Variants in FAAH2 observed in about 807,000 individuals in gnomAD.
FAAH2 encodes fatty-acid amide hydrolase 2.
FAAH2 carries 60 observed loss-of-function variants against 36.9 expected under a neutral mutation model. The ratio of observed to expected loss-of-function variants is 1.63; its 90% CI spans 1.32 to 2.02. FAAH2 has a LOEUF of 2.02. Ranked by LOEUF, FAAH2 falls within the 30% of genes most tolerant of loss-of-function variation. FAAH2 has a pLI of 0.00. For synonymous variants in FAAH2, 214 were observed against 143.8 expected, an observed-to-expected ratio of 1.49 and a Z score of -3.49; for missense variants, 689 against 397.5, an observed-to-expected ratio of 1.73 and a Z score of -6.23.
the FAAH2 span, among the ~76,000 whole-genome samples, chrX:57,159,914 C>G: frequency 9.0e-6 from 1 of 111,567 alleles, no homozygotes; most frequent in South Asian, 3.7e-4. Flanking sequence ...CTGTCTTGTT[C>G]CAGTTTTCAA....
At chrX:57,135,854 A>G in the FAAH2 span, 1 of 1,208,379 alleles carries the variant, frequency 8.3e-7, no homozygotes, top group Admixed American at 2.2e-5. Context: ...AGACATAGAT[A>G]TGGAAATCAT....
At chrX:57,381,349 T>C (rs1018864493) in intron 7 of FAAH2, among the ~76,000 whole-genome samples, 1 of 110,838 alleles carries the variant, frequency 9.0e-6, no homozygotes, top group East Asian at 2.8e-4. Context: ...AAATTTTAGG[T>C]AATAGAGACA....
the FAAH2 span, among the ~76,000 whole-genome samples, chrX:57,266,882 T>C: frequency 8.9e-6 from 1 of 112,403 alleles, no homozygotes. Flanking sequence ...GTCATTCCTC[T>C]AGGCTCAACT....
Position 57,488,837 on chromosome X carries a change from G to T in FAAH2, c.1504G>T (p.Val502Phe). Residue 502 changes from valine (V) to phenylalanine (F), a missense_variant, in exon 11 of 11, where the codon GTT becomes TTT. By Grantham distance (50) the Val-to-Phe change is conservative (BLOSUM62 -1). Transcript: ENST00000374900. ...NAKGLPLGIQ[V>F]VAGPFNDHLT... ...CAAAGGACTCCCTTTAGGCATCCAG[G>T]TTGTGGCTGGACCCTTTAATGATCA... The T allele has an allele frequency of 3.3e-6, 4 of 1,211,186 alleles. No individual in the cohort carries two copies. The highest frequency in any genetic ancestry group is 3.5e-5 in the African/African-American group (2 of 57,725).
chrX:57,466,410 A>G (rs2057051705), intron 10 of FAAH2, among the ~76,000 whole-genome samples: 1 of 106,264 alleles, frequency 9.4e-6, no homozygotes, highest in Non-Finnish European at 1.9e-5. Context: ...ATGTGTATAT[A>G]TATCTTAATT....
At chrX:57,470,618 C>G (rs761307902) in intron 10 of FAAH2, among the ~76,000 whole-genome samples, 1 of 109,629 alleles carries the variant, frequency 9.1e-6, no homozygotes, top group African/African-American at 3.3e-5. Context: ...GCCTACCAAC[C>G]AAAAGAAGTC....
chrX:57,458,562 A>C (rs1341731743), intron 10 of FAAH2, among the ~76,000 whole-genome samples: 1 of 112,179 alleles, frequency 8.9e-6, no homozygotes. Flanking sequence ...TAGGAATAGC[A>C]GCTTCAGTCT....
At chrX:57,477,761 T>C (rs1297986893) in intron 10 of FAAH2, among the ~76,000 whole-genome samples, 1 of 109,781 alleles carries the variant, frequency 9.1e-6, no homozygotes, top group Admixed American at 9.8e-5. Context: ...GTCCTTCCAA[T>C]AGTTTGTTGA....
intron 10 of FAAH2, among the ~76,000 whole-genome samples, chrX:57,469,727 C>T (rs774932505): frequency 9.0e-6 from 1 of 111,604 alleles, no homozygotes; most frequent in South Asian, 3.8e-4. Flanking sequence ...AGTAATTGAA[C>T]TCAGCTCTGC....
At chrX:57,172,993 A>G in the FAAH2 span, among the ~76,000 whole-genome samples, 1 of 111,957 alleles carries the variant, frequency 8.9e-6, no homozygotes, top group Non-Finnish European at 1.9e-5. Flanking sequence ...GCAGGAAAAC[A>G]AAAATGCCTG....
At chrX:57,322,159 C>T (rs963613017) in intron 3 of FAAH2, among the ~76,000 whole-genome samples, 8 of 111,330 alleles carry the variant, frequency 7.2e-5, no homozygotes, top group Non-Finnish European at 1.1e-4. Flanking sequence ...TCCGCCACCG[C>T]GCCTGGCTAA....
chrX:57,363,231 C>T (rs1039141772), intron 5 of FAAH2, among the ~76,000 whole-genome samples: 2 of 111,508 alleles, frequency 1.8e-5, no homozygotes, highest in African/African-American at 6.5e-5. Flanking sequence ...CTTTTTTTGT[C>T]ATCTCTGATT....
rs1280767375 is a variant in FAAH2 at position 57,364,269 on chromosome X, T to C, written c.743-14382T>C. Among the ~76,000 whole-genome samples, 4 of 109,447 alleles carry C rather than the reference T, an allele frequency of 3.7e-5. No homozygotes were observed. The South Asian group carries it at 1.6e-3, about 43-fold the overall frequency. ...TCTTTTCAGGGTTTCAGTTTCTTTC[T>C]GGTTCAATCTTGGGAGGTTGTGAGT... On this transcript the variant is annotated intron_variant, in intron 5 of 10. Transcript: ENST00000374900.
the FAAH2 span, among the ~76,000 whole-genome samples, chrX:57,175,895 G>T: frequency 8.9e-6 from 1 of 111,773 alleles, no homozygotes; most frequent in East Asian, 2.8e-4. Context: ...CTAAAGATAG[G>T]ACCCCAATTG....
At chrX:57,391,899 G>T (rs368418606) in intron 7 of FAAH2, among the ~76,000 whole-genome samples, 22 of 109,753 alleles carry the variant, frequency 2.0e-4, no homozygotes, top group African/African-American at 6.9e-4. Context: ...TCTGTAGATT[G>T]CTCTTGGCAG....
intron 10 of FAAH2, among the ~76,000 whole-genome samples, chrX:57,479,994 AT>A (rs1286508757): frequency 1.8e-5 from 2 of 112,158 alleles, no homozygotes; most frequent in African/African-American, 6.5e-5. Flanking sequence ...CGCTATGCAA[AT>A]AAACTAGAAA....
chrX:57,204,079 A>G, the FAAH2 span, among the ~76,000 whole-genome samples: 2 of 110,853 alleles, frequency 1.8e-5, no homozygotes, highest in Non-Finnish European at 3.8e-5. Flanking sequence ...GAGAGGTGCA[A>G]TTCAAGCTAA....
chrX:57,390,969 G>A (rs992752136), intron 7 of FAAH2, among the ~76,000 whole-genome samples: 1 of 110,724 alleles, frequency 9.0e-6, no homozygotes, highest in African/African-American at 3.3e-5. Flanking sequence ...CTTTTTTTCT[G>A]CATTCTCGCC....
In FAAH2 at chrX:57,286,935, C is replaced by T. The variant is rs759023937; in HGVS notation, c.110C>T (p.Ala37Val). 24 of 1,203,736 alleles carry T rather than the reference C, an allele frequency of 2.0e-5. No individual in the cohort carries two copies. The African/African-American group carries it at 3.9e-4, about 19-fold the overall frequency. ...AALVLGGPKF[A>V]SKTPRPVTEP... ...TTAGTCTTAGGGGGTCCAAAGTTTG[C>T]CTCAAAGACCCCTCGGCCGGTGACT... is the stretch of plus-strand genomic sequence containing the variant. Residue 37 changes from alanine to valine, a missense_variant, in exon 1 of 11, where the codon GCC (alanine) becomes GTC (valine). Ala to Val is a moderately conservative substitution (Grantham distance 64). Transcript: ENST00000374900.
Sources: allele counts gnomAD v4.1 joint callset (sites outside exome capture counted in the v4.1 genomes callset), GRCh38; gene constraint gnomAD v4.1.1; transcripts MANE v1.5; gene names NCBI Gene and HGNC (gene_info 2026-07-23, HGNC 2026-07-21).